Variants in PDZD2 observed in about 807,000 individuals in gnomAD.
The protein encoded by PDZD2 is PDZ domain containing 2.
In PDZD2, 90 loss-of-function variants were observed where a neutral mutation model predicts 220.7. The observed-to-expected ratio is 0.41, with a 90% CI of 0.34 to 0.49. The LOEUF (loss-of-function observed/expected upper bound fraction) is 0.49, where lower values mean the gene tolerates loss of function less well. PDZD2 is among the 20% of genes least tolerant of loss of function. PDZD2 has a pLI of 0.28. For missense variants in PDZD2, 3,174 were observed against 3,608.5 expected (o/e 0.88, Z 3.08); for synonymous variants, 1,375 against 1,450.5 (o/e 0.95, Z 1.18).
At chr5:31,846,474 G>A (rs934290422) in intron 2 of PDZD2, among the ~76,000 whole-genome samples, 8 of 152,270 alleles carry the variant, frequency 5.3e-5, no homozygotes, top group Admixed American at 1.3e-4. Flanking sequence ...ACAGAGCTGC[G>A]AAGAGGGAAA....
At chr5:31,834,194 C>T (rs1410485194) in intron 2 of PDZD2, among the ~76,000 whole-genome samples, 3 of 152,206 alleles carry the variant, frequency 2.0e-5, no homozygotes, top group Non-Finnish European at 4.4e-5. Context: ...CCTCTGACTC[C>T]TTCTTTAAGG....
intron 2 of PDZD2, among the ~76,000 whole-genome samples, chr5:31,909,672 T>G (rs1444398502): frequency 6.6e-6 from 1 of 152,134 alleles, no homozygotes; most frequent in Non-Finnish European, 1.5e-5. Context: ...ATACATGAAA[T>G]AGTCATGTAT....
intron 1 of PDZD2, among the ~76,000 whole-genome samples, chr5:31,647,786 T>G (rs1745188437): frequency 3.3e-5 from 5 of 152,202 alleles, no homozygotes; most frequent in Admixed American, 2.6e-4. Flanking sequence ...GTATATCTTT[T>G]GGGGAGCTAC....
intron 2 of PDZD2, among the ~76,000 whole-genome samples, chr5:31,968,969 A>C: frequency 6.6e-6 from 1 of 152,224 alleles, no homozygotes; most frequent in East Asian, 1.9e-4. Flanking sequence ...ACTTGGTTGC[A>C]TGATGACAAA....
At chr5:31,789,500 G>T (rs1753575532) in intron 1 of PDZD2, among the ~76,000 whole-genome samples, 1 of 152,230 alleles carries the variant, frequency 6.6e-6, no homozygotes, top group South Asian at 2.1e-4. Flanking sequence ...CCTCATCCAG[G>T]TAGCATTTCC....
At chr5:31,858,800 C>G (rs945740257) in intron 2 of PDZD2, among the ~76,000 whole-genome samples, 2 of 149,566 alleles carry the variant, frequency 1.3e-5, no homozygotes, top group African/African-American at 4.9e-5. Flanking sequence ...CTCACTGCAA[C>G]CTCTGCCTCC....
intron 1 of PDZD2, among the ~76,000 whole-genome samples, chr5:31,749,320 T>C (rs112950998): frequency 7.1e-4 from 108 of 152,156 alleles, no homozygotes; most frequent in African/African-American, 2.2e-3. Context: ...AATAAGAAAA[T>C]GAAGCTCAGA....
chr5:32,010,236 G>C, intron 5 of PDZD2, 94 bp from the exon 6 acceptor site: 1 of 820,616 alleles, frequency 1.2e-6, no homozygotes, highest in Admixed American at 2.2e-5. Flanking sequence ...TCTTTGGTTT[G>C]GGAGCATGTA....
intron 7 of PDZD2, among the ~76,000 whole-genome samples, chr5:32,042,966 C>A (rs1014307194): frequency 6.6e-6 from 1 of 152,110 alleles, no homozygotes; most frequent in Non-Finnish European, 1.5e-5. Context: ...TGGATGAGAC[C>A]AGAGAAGTTC....
At chr5:32,001,194 T>C (rs533367782) in intron 5 of PDZD2, among the ~76,000 whole-genome samples, 2 of 151,828 alleles carry the variant, frequency 1.3e-5, no homozygotes, top group South Asian at 4.2e-4. Context: ...TGTTAGGGGA[T>C]GGAAAGGAAA....
intron 6 of PDZD2, among the ~76,000 whole-genome samples, chr5:32,027,597 C>T (rs1006921877): frequency 1.3e-4 from 20 of 152,178 alleles, no homozygotes; most frequent in African/African-American, 4.3e-4. Context: ...ACATGCCCGG[C>T]GTGTACCAGA....
chr5:31,647,608 T>A (rs918704053), intron 1 of PDZD2, among the ~76,000 whole-genome samples: 21 of 152,238 alleles, frequency 1.4e-4, no homozygotes, highest in African/African-American at 5.1e-4. Flanking sequence ...GTCTTCTCTC[T>A]TGTCTGCATG....
chr5:31,813,414 T>C (rs200851729), intron 2 of PDZD2, among the ~76,000 whole-genome samples: 92 of 129,684 alleles, frequency 7.1e-4, no homozygotes, highest in African/African-American at 2.1e-3. Context: ...TGCACCACTG[T>C]ACTCCAGCCT....
chr5:31,990,382 A>G (rs1214777028), intron 3 of PDZD2, among the ~76,000 whole-genome samples: 1 of 152,266 alleles, frequency 6.6e-6, no homozygotes, highest in Non-Finnish European at 1.5e-5. Flanking sequence ...ACATTAGTGC[A>G]GAAGTCCATA....
At chr5:31,800,780 A>G (rs547959513) in intron 2 of PDZD2, among the ~76,000 whole-genome samples, 2 of 152,340 alleles carry the variant, frequency 1.3e-5, no homozygotes, top group Admixed American at 6.5e-5. Flanking sequence ...AGTGAGATCC[A>G]TGAATTTTGT....
At chr5:31,642,074 T>C (rs1028648508) in intron 1 of PDZD2, among the ~76,000 whole-genome samples, 2 of 152,078 alleles carry the variant, frequency 1.3e-5, no homozygotes, top group African/African-American at 4.8e-5. Context: ...CCTTTGATCA[T>C]GTGGGCCTAA....
In PDZD2 at chr5:32,098,262, G is replaced by A. The variant is rs1561593941; in HGVS notation, c.7948-102G>A. On this transcript the variant is annotated intron_variant, in intron 22 of 24. Coordinates refer to ENST00000438447, the MANE Select transcript of PDZD2 (RefSeq NM_178140.4). This position sits in a 1 kb window ranked among gnomAD's most constrained non-coding sequence, Gnocchi z 4.1. The stretch of plus-strand genomic sequence containing the variant: ...CTCTCAAAAAATAAAAATAAAAAAG[G>A]AAGGTTCCTTTACTACAGATACGCA... The A allele has an allele frequency of 3.5e-6, 4 of 1,155,066 alleles. No homozygotes were observed. The highest frequency in any genetic ancestry group is 2.5e-5 in the Admixed American group (1 of 39,846). The allele number at this position is 1,155,066 out of a possible 1,614,324, so 71.6% of individuals were successfully genotyped here. A position where few individuals can be genotyped will look rare whatever the true frequency, so the allele number is the denominator to read the frequency against.
At chr5:31,703,974 TCTTTCTTTC>T (rs1275661691) in intron 1 of PDZD2, among the ~76,000 whole-genome samples, 9 of 143,808 alleles carry the variant, frequency 6.3e-5, no homozygotes, top group Non-Finnish European at 1.2e-4. Flanking sequence ...TCTCTCTCTC[TCTTTCTTTC>T]CTTTCTTTCC....
At chr5:32,099,174 A>G (rs1163870088) in intron 23 of PDZD2, 1 of 153,770 alleles carries the variant, frequency 6.5e-6, no homozygotes, top group African/African-American at 2.4e-5. Context: ...CGTTCCGTCC[A>G]TATTCAGAGC....
Sources: gnomAD v4.1 joint callset for allele counts (sites outside exome capture counted in the v4.1 genomes callset) on GRCh38, gnomAD v4.1.1 for gene constraint, Gnocchi (gnomAD v3.1) non-coding constraint, MANE v1.5 for transcripts, NCBI Gene and HGNC (gene_info 2026-07-23, HGNC 2026-07-21) for gene names.